UTP6: variants seen among roughly 807,000 people sequenced by gnomAD.
UTP6 encodes the protein U3 small nucleolar RNA-associated protein 6 homolog.
A neutral mutation model predicts 96.5 loss-of-function variants in UTP6; 60 were observed. That is an observed-to-expected ratio of 0.62 (90% CI 0.51 to 0.77). The LOEUF (loss-of-function observed/expected upper bound fraction) is 0.77, where lower values mean the gene tolerates loss of function less well. Ranked by LOEUF, UTP6 falls within the 30% of genes least tolerant of loss-of-function variation. The pLI is 0.00. For missense variants in UTP6, 637 were observed against 706.5 expected (o/e 0.90, Z 1.12); for synonymous variants, 215 against 240.1 (o/e 0.90, Z 0.96).
chr17:31,891,747 G>T (rs1335361796), intron 6 of UTP6, among the ~76,000 whole-genome samples: 1 of 152,340 alleles, frequency 6.6e-6, no homozygotes, highest in Admixed American at 6.5e-5. Context: ...GTCTGGCCGG[G>T]AGTGGTGGCT....
chr17:31,889,548 G>A (rs1004983024), intron 6 of UTP6, 145 bp from the exon 7 acceptor site: 1 of 548,874 alleles, frequency 1.8e-6, no homozygotes, highest in Non-Finnish European at 3.2e-6. Flanking sequence ...CCAGGCTGGA[G>A]TGCAGTGACG....
chr17:31,863,792 T>G (rs1476521112), intron 18 of UTP6, among the ~76,000 whole-genome samples: 2 of 152,126 alleles, frequency 1.3e-5, no homozygotes, highest in Non-Finnish European at 1.5e-5. Flanking sequence ...AGTCTCAACC[T>G]CCTGAGTTCA....
At chr17:31,885,885 C>T (rs1317566237) in intron 9 of UTP6, 95 bp downstream of exon 9, 45 of 1,064,304 alleles carry the variant, frequency 4.2e-5, no homozygotes, top group Non-Finnish European at 6.1e-5. Flanking sequence ...GTTTTATACA[C>T]ATTCTAATGG....
chr17:31,901,309 C>A, intron 1 of UTP6: 1 of 541,082 alleles, frequency 1.8e-6, no homozygotes, highest in Non-Finnish European at 3.4e-6. Flanking sequence ...CCCTAAGACC[C>A]GGCTCCATGA....
intron 4 of UTP6, among the ~76,000 whole-genome samples, chr17:31,894,309 G>A (rs1904511702): frequency 6.8e-6 from 1 of 148,112 alleles, no homozygotes; most frequent in Non-Finnish European, 1.5e-5. Context: ...TCAAGTTTCT[G>A]AGGTATTGCC....
At chr17:31,900,370 C>T (rs1052505891) in intron 1 of UTP6, among the ~76,000 whole-genome samples, 1 of 152,074 alleles carries the variant, frequency 6.6e-6, no homozygotes, top group Non-Finnish European at 1.5e-5. Flanking sequence ...TGGCTCACTA[C>T]AACCTCGGCC....
intron 16 of UTP6, among the ~76,000 whole-genome samples, chr17:31,869,511 C>A (rs1598095185): frequency 6.6e-6 from 1 of 150,562 alleles, no homozygotes; most frequent in East Asian, 2.0e-4. Flanking sequence ...TTGAGACAGG[C>A]TCTCCCTCTG....
rs770797326 is a variant in UTP6 at position 31,901,673 on chromosome 17, C to CACG, written c.-49_-47dup. On this transcript the variant is annotated 5_prime_UTR_variant, in exon 1 of 19. Coordinates refer to ENST00000261708, the MANE Select transcript of UTP6 (RefSeq NM_018428.3). ...CCGCGGGTAGCTTCTCAACAGCGAA[C>CACG]ACGAGCAGGAAGCTCCCGGTTTCAG... 6.3e-7 allele frequency: 1 copy of CACG among 1,590,572 alleles called. No individual in the cohort carries two copies. The highest frequency in any genetic ancestry group is 1.3e-5 in the African/African-American group (1 of 74,738).
intron 5 of UTP6, 108 bp from the exon 6 acceptor site, chr17:31,892,431 G>T: frequency 8.8e-7 from 1 of 1,136,358 alleles, no homozygotes. Context: ...AATGGAGCAT[G>T]ACATGCTATT....
chr17:31,878,873 T>C, intron 11 of UTP6, 92 bp from the exon 12 acceptor site: 1 of 1,173,614 alleles, frequency 8.5e-7, no homozygotes, highest in Non-Finnish European at 1.2e-6. Context: ...AAAACAGTCA[T>C]CCTACACCTT....
At chr17:31,885,931 AAAG>A in intron 9 of UTP6, 46 bp downstream of exon 9, 1 of 1,533,798 alleles carries the variant, frequency 6.5e-7, no homozygotes, top group South Asian at 1.2e-5. Flanking sequence ...TTCATTAAGA[AAAG>A]AATGTTTCAC....
intron 6 of UTP6, among the ~76,000 whole-genome samples, chr17:31,890,997 A>G (rs1911461972): frequency 6.6e-6 from 1 of 152,194 alleles, no homozygotes; most frequent in African/African-American, 2.4e-5. Flanking sequence ...CAAAAAAATA[A>G]AAAATAAAAT....
intron 14 of UTP6, among the ~76,000 whole-genome samples, chr17:31,874,915 G>C (rs1910404519): frequency 1.5e-5 from 2 of 135,036 alleles, no homozygotes; most frequent in Non-Finnish European, 3.1e-5. Context: ...CTGGACAACA[G>C]AGCGAGACTC....
rs780261219 is a variant in UTP6, at chr17:31,885,997, G to A, written c.686C>T (p.Ser229Phe). ...ATACCTACCTTTAATTATGCTTACAGAATTTTTGTAGATGATCCATGCCAA... is the reference window on the plus strand; with the variant it reads ...ATACCTACCTTTAATTATGCTTACAAAATTTTTGTAGATGATCCATGCCAA... ...GELAWIIYKN[S>F]VSIIKGAEFH... The change falls in exon 9 of 19, where the codon TCT becomes TTT. Residue 229 changes from serine (S) to phenylalanine (F), a missense_variant. Transcript: ENST00000261708. The A allele has an allele frequency of 9.9e-6, 16 of 1,613,286 alleles. No homozygotes were observed. Among genetic ancestry groups the A allele is most frequent in the Non-Finnish European group, 1.4e-5 (16 of 1,179,816 alleles).
chr17:31,881,268 T>A (rs1012735050), intron 10 of UTP6, among the ~76,000 whole-genome samples: 2 of 110,786 alleles, frequency 1.8e-5, no homozygotes, highest in Non-Finnish European at 3.4e-5. Flanking sequence ...ACTTTTTCAC[T>A]TTTTTTTTTT....
rs1909919648 is a variant in UTP6, at chr17:31,867,923, C to T, written c.1563+123G>A. On this transcript the variant is annotated intron_variant, in intron 17 of 18. Coordinates refer to ENST00000261708, the MANE Select transcript of UTP6 (RefSeq NM_018428.3). The stretch of plus-strand genomic sequence containing the variant: ...AGTGAGCCAAGATCACGCCACTGCA[C>T]TCCAGCCTGGCAACAGAGCGAGACT... 4.8e-5 allele frequency: 42 copies of T among 876,506 alleles called. No individual in the cohort carries two copies. In the South Asian group the frequency reaches 6.6e-4, roughly 14 times the overall value. The allele number at this position is 876,506 out of a possible 1,614,324, so 54.3% of individuals were successfully genotyped here.
At chr17:31,893,979 CTCATA>C (rs1345930716) in intron 4 of UTP6, among the ~76,000 whole-genome samples, 1 of 151,774 alleles carries the variant, frequency 6.6e-6, no homozygotes, top group Non-Finnish European at 1.5e-5. Context: ...CAAAATACTT[CTCATA>C]TAATATACCC....
chr17:31,880,615 A>C lies in UTP6; in HGVS notation c.925T>G (p.Cys309Gly), dbSNP rs761255705. 1 of 1,613,796 alleles carries C rather than the reference A, an allele frequency of 6.2e-7. No individual in the cohort carries two copies. Among genetic ancestry groups the C allele is most frequent in the Non-Finnish European group, 8.5e-7 (1 of 1,179,958 alleles). Reference protein sequence around the residue: ...AVEVGRKEERCCAVYEEAVKT... With the variant: ...AVEVGRKEERGCAVYEEAVKT... ...ACTGCCTCTTCATACACAGCACAGC[A>C]CCTCTCCTCCTTCCGGCCGACCTCC... Residue 309 changes from cysteine to glycine, a missense_variant, in exon 11 of 19, where the codon TGC becomes GGC. Cys to Gly is a radical substitution (Grantham distance 159). Transcript: ENST00000261708.
chr17:31,895,762 G>T (rs187610238), intron 2 of UTP6, among the ~76,000 whole-genome samples: 1 of 151,896 alleles, frequency 6.6e-6, no homozygotes, highest in Non-Finnish European at 1.5e-5. Context: ...TTGAACTCCC[G>T]ACCTCGAGTG....
Sources: allele counts gnomAD v4.1 joint callset (sites outside exome capture counted in the v4.1 genomes callset), GRCh38; gene constraint gnomAD v4.1.1; transcripts MANE v1.5; gene names NCBI Gene and HGNC (gene_info 2026-07-23, HGNC 2026-07-21).